The following ASAP1 variants were observed in gnomAD, a reference collection of about 807,000 sequenced individuals.
The protein encoded by ASAP1 is ArfGAP with SH3 domain, ankyrin repeat and PH domain 1.
In ASAP1, 43 loss-of-function variants were observed where a neutral mutation model predicts 145.2. The observed-to-expected ratio is 0.30, with a 90% CI of 0.23 to 0.38. The LOEUF (loss-of-function observed/expected upper bound fraction) is 0.38. Among genes scored for constraint, ASAP1 ranks in the 10% least tolerant of loss-of-function variants. The pLI is 1.00. For missense variants in ASAP1, 1,018 were observed against 1,355.3 expected (o/e 0.75, Z 3.91); for synonymous variants, 546 against 515.5 (o/e 1.06, Z -0.80).
chr8:130,400,758 T>C (rs1586977295), intron 2 of ASAP1, among the ~76,000 whole-genome samples: 3 of 134,508 alleles, frequency 2.2e-5, no homozygotes, highest in East Asian at 4.3e-4. Flanking sequence ...GCCACTGCGC[T>C]CCAGCCTGGG....
chr8:130,221,246 A>C (rs1817277267), intron 4 of ASAP1, among the ~76,000 whole-genome samples: 1 of 152,158 alleles, frequency 6.6e-6, no homozygotes, highest in Admixed American at 6.6e-5. Flanking sequence ...GAAAAGAGGA[A>C]GAAAGGAAAG....
rs531740532 is a variant in ASAP1 at position 130,193,688 on chromosome 8, T to TA, written c.406-5506dup. 1.7e-3 allele frequency among the ~76,000 whole-genome samples: 262 copies of TA among 151,984 alleles called. 2 individuals are homozygous for TA. The highest frequency in any genetic ancestry group is 6.1e-3 in the African/African-American group (251 of 41,448). Reference sequence around the variant, plus strand: ...TCCTTTGTGAAATGAAGCAGCAAATTAAAAAAAATACATTAATGTTATTAG... The same window carrying TA: ...TCCTTTGTGAAATGAAGCAGCAAATTAAAAAAAAATACATTAATGTTATTAG... On this transcript the variant is annotated intron_variant, in intron 5 of 29. Transcript: ENST00000518721.
At chr8:130,169,879 C>G (rs572347807) in intron 9 of ASAP1, among the ~76,000 whole-genome samples, 1 of 152,176 alleles carries the variant, frequency 6.6e-6, no homozygotes, top group Non-Finnish European at 1.5e-5. Flanking sequence ...AGATTCTGAT[C>G]CACGCTCTTT....
At chr8:130,403,538 T>C (rs928630918) in intron 1 of ASAP1, among the ~76,000 whole-genome samples, 1 of 136,036 alleles carries the variant, frequency 7.4e-6, no homozygotes, top group South Asian at 2.2e-4. Flanking sequence ...CCATAAGACA[T>C]TTTCTTTTTC....
Position 130,153,950 on chromosome 8 carries a change from C to T in ASAP1, c.1011-1145G>A, listed in dbSNP as rs999415822. Among the ~76,000 whole-genome samples, 13 of 152,198 alleles carry T rather than the reference C, an allele frequency of 8.5e-5. No individual in the cohort carries two copies. The East Asian group carries it at 2.5e-3, about 29-fold the overall frequency. ...GGCTCATGCCCGTAATCCCAGCACT[C>T]TGGGAGGCTGAGGTGGGAGGACTGC... On this transcript the variant is annotated intron_variant, in intron 12 of 29. Transcript: ENST00000518721.
chr8:130,167,463 AG>A (rs1565042024), intron 11 of ASAP1, 72 bp downstream of exon 11: 1 of 1,192,964 alleles, frequency 8.4e-7, no homozygotes, highest in East Asian at 2.3e-5. Flanking sequence ...CTTGCAGATC[AG>A]GAAACACAAA....
At chr8:130,244,752 A>G (rs1818744492) in intron 3 of ASAP1, among the ~76,000 whole-genome samples, 1 of 152,106 alleles carries the variant, frequency 6.6e-6, no homozygotes, top group Non-Finnish European at 1.5e-5. Context: ...AGAAGAAGGG[A>G]GCTAACTAAG....
intron 29 of ASAP1, among the ~76,000 whole-genome samples, chr8:130,055,300 A>T (rs1050854695): frequency 1.3e-5 from 2 of 151,644 alleles, no homozygotes; most frequent in Admixed American, 6.6e-5. Flanking sequence ...TAAAAAAGAA[A>T]AAAAAAAAAA....
At chr8:130,263,740 G>A (rs770578799) in intron 3 of ASAP1, among the ~76,000 whole-genome samples, 1 of 152,156 alleles carries the variant, frequency 6.6e-6, no homozygotes. Context: ...CTACATCCTA[G>A]GGCTTATTCA....
intron 2 of ASAP1, among the ~76,000 whole-genome samples, chr8:130,384,269 T>C (rs1488575065): frequency 6.6e-6 from 1 of 152,158 alleles, no homozygotes; most frequent in African/African-American, 2.4e-5. Context: ...CCCTCCACCA[T>C]GAGAGAGACC....
chr8:130,377,648 C>A (rs1030358512), intron 2 of ASAP1, among the ~76,000 whole-genome samples: 1 of 152,232 alleles, frequency 6.6e-6, no homozygotes, highest in African/African-American at 2.4e-5. Flanking sequence ...GCTCCAGACA[C>A]ATCTCAGGGC....
chr8:130,267,303 T>C (rs1478162701), intron 3 of ASAP1, among the ~76,000 whole-genome samples: 1 of 152,072 alleles, frequency 6.6e-6, no homozygotes, highest in African/African-American at 2.4e-5. Context: ...ACAAGAGCTA[T>C]AGTAGTCAAG....
At chr8:130,065,241 C>T (rs890228893) in intron 27 of ASAP1, among the ~76,000 whole-genome samples, 2 of 152,098 alleles carry the variant, frequency 1.3e-5, no homozygotes, top group Middle Eastern at 3.4e-3. Flanking sequence ...ACACACAGGG[C>T]GGGGTCTGGA....
chr8:130,405,738 T>TTCGAAGTAGGTTAGCAGCTACG (rs1828998629), intron 1 of ASAP1, among the ~76,000 whole-genome samples: 1 of 152,208 alleles, frequency 6.6e-6, no homozygotes, highest in Non-Finnish European at 1.5e-5. Flanking sequence ...TCTGAACTAA[T>TTCGAAGTAGGTTAGCAGCTACG]TCGAAGTAGG....
chr8:130,285,135 G>A (rs1189295877), intron 3 of ASAP1, among the ~76,000 whole-genome samples: 3 of 152,082 alleles, frequency 2.0e-5, no homozygotes, highest in African/African-American at 7.2e-5. Context: ...CCAGACCTAA[G>A]AGAAAAGGAA....
chr8:130,244,723 T>C (rs1421601102), intron 3 of ASAP1, among the ~76,000 whole-genome samples: 1 of 151,812 alleles, frequency 6.6e-6, no homozygotes, highest in Non-Finnish European at 1.5e-5. Flanking sequence ...AAAAAGAAGG[T>C]TGGAAAGTAA....
intron 18 of ASAP1, among the ~76,000 whole-genome samples, chr8:130,119,548 C>G (rs2135667417): frequency 6.6e-6 from 1 of 152,278 alleles, no homozygotes; most frequent in East Asian, 1.9e-4. Flanking sequence ...GTCACCTTGG[C>G]CACCTCTGGG....
intron 3 of ASAP1, among the ~76,000 whole-genome samples, chr8:130,347,400 G>A (rs998961820): frequency 2.0e-5 from 3 of 152,306 alleles, no homozygotes; most frequent in South Asian, 2.1e-4. Context: ...TCTTCCAAGC[G>A]TCACTGAGTG....
chr8:130,169,700 T>TACTG (rs1310678376), intron 9 of ASAP1, among the ~76,000 whole-genome samples: 1 of 152,260 alleles, frequency 6.6e-6, no homozygotes, highest in African/African-American at 2.4e-5. Flanking sequence ...ACATGCCCAG[T>TACTG]ACTGCACTGA....
Sources: gnomAD v4.1 joint callset for allele counts (sites outside exome capture counted in the v4.1 genomes callset) on GRCh38, gnomAD v4.1.1 for gene constraint, MANE v1.5 for transcripts, NCBI Gene and HGNC (gene_info 2026-07-23, HGNC 2026-07-21) for gene names.